The following GRM5 variants were observed in gnomAD, a reference collection of about 807,000 sequenced individuals.
GRM5 encodes metabotropic glutamate receptor 5.
Under a neutral mutation model 83.1 loss-of-function variants are expected in GRM5, and 19 were observed. That is an observed-to-expected ratio of 0.23 (90% confidence interval 0.16 to 0.34). GRM5 has a LOEUF of 0.34. Ranked by LOEUF, GRM5 falls within the 10% of genes least tolerant of loss-of-function variation. The pLI is 1.00. For synonymous variants in GRM5, 675 were observed against 633.6 expected, an observed-to-expected ratio of 1.07 and a Z score of -0.98; for missense variants, 1,160 against 1,588.3, an observed-to-expected ratio of 0.73 and a Z score of 4.58.
intron 6 of GRM5, among the ~76,000 whole-genome samples, chr11:88,596,225 C>T (rs1937801350): frequency 6.6e-6 from 1 of 152,126 alleles, no homozygotes; most frequent in African/African-American, 2.4e-5. Flanking sequence ...AATCTACAAA[C>T]GTTTTCTCCA....
chr11:88,578,536 G>A (rs531772743), intron 7 of GRM5, among the ~76,000 whole-genome samples: 2 of 152,228 alleles, frequency 1.3e-5, no homozygotes, highest in East Asian at 1.9e-4. Flanking sequence ...ATTTTTCATC[G>A]AGTGGTTTCT....
intron 9 of GRM5, among the ~76,000 whole-genome samples, chr11:88,523,145 GC>G (rs2135102563): frequency 1.3e-5 from 2 of 152,254 alleles, no homozygotes; most frequent in East Asian, 3.9e-4. Flanking sequence ...CCAAATGCTT[GC>G]CACAAACAGC....
intron 3 of GRM5, among the ~76,000 whole-genome samples, chr11:88,658,078 G>A (rs1939811012): frequency 6.6e-6 from 1 of 152,112 alleles, no homozygotes. Flanking sequence ...CTGGGTGAGT[G>A]AGCATTACCT....
chr11:88,567,527 A>G lies in GRM5; in HGVS notation c.2156T>C (p.Ile719Thr), dbSNP rs760828300. 9.3e-6 allele frequency: 15 copies of G among 1,613,302 alleles called. No homozygotes were observed. The highest frequency in any genetic ancestry group is 1.3e-5 in the Non-Finnish European group (15 of 1,179,342). Residue 719 changes from isoleucine (I) to threonine (T), a missense_variant, in exon 8 of 10, where the codon ATA becomes ACA. Ile to Thr is a moderately conservative substitution (Grantham distance 89). Transcript: ENST00000305447. This position sits in a 1 kb window ranked among gnomAD's most constrained non-coding sequence, Gnocchi z 7.3. ...TCGAATGCTTGGGTAGTCATGCATT[A>G]TGTCAGGAGGCTCCATTATAAAGAG... ...VALFIMEPPD[I>T]MHDYPSIREV... is the part of the protein sequence containing the mutation.
intron 4 of GRM5, among the ~76,000 whole-genome samples, chr11:88,610,445 GTATTCCTAGT>G (rs1444014012): frequency 1.3e-5 from 2 of 152,060 alleles, no homozygotes; most frequent in Non-Finnish European, 2.9e-5. Flanking sequence ...TTGGTAAACT[GTATTCCTAGT>G]TATTCCTTAT....
intron 2 of GRM5, among the ~76,000 whole-genome samples, chr11:88,875,009 G>A (rs1446588873): frequency 1.3e-5 from 2 of 151,404 alleles, no homozygotes; most frequent in Admixed American, 6.6e-5. Context: ...TGATCAGGGC[G>A]GTGGCTGCTG....
chr11:88,730,886 G>A (rs1002957932), intron 3 of GRM5, among the ~76,000 whole-genome samples: 2 of 152,122 alleles, frequency 1.3e-5, no homozygotes, highest in African/African-American at 4.8e-5. Flanking sequence ...GGGGCTAGGG[G>A]AGGGATAGCA....
intron 2 of GRM5, among the ~76,000 whole-genome samples, chr11:88,991,729 C>G (rs1172050610): frequency 6.6e-6 from 1 of 152,062 alleles, no homozygotes; most frequent in Non-Finnish European, 1.5e-5. Flanking sequence ...ACTATGTGAT[C>G]TTTGACAAAC....
intron 2 of GRM5, among the ~76,000 whole-genome samples, chr11:89,028,525 G>A (rs1292119674): frequency 1.3e-5 from 2 of 152,328 alleles, no homozygotes; most frequent in African/African-American, 2.4e-5. Flanking sequence ...GAGCCTGAGA[G>A]GTCGAGGCTG....
At chr11:88,777,521 T>G (rs1942882939) in intron 3 of GRM5, among the ~76,000 whole-genome samples, 1 of 152,240 alleles carries the variant, frequency 6.6e-6, no homozygotes, top group African/African-American at 2.4e-5. Flanking sequence ...GGCACTCTGA[T>G]TTTTAGAATT....
intron 8 of GRM5, among the ~76,000 whole-genome samples, chr11:88,536,008 C>T (rs988952263): frequency 6.6e-6 from 1 of 152,124 alleles, no homozygotes; most frequent in African/African-American, 2.4e-5. Context: ...AAAGCCTAAA[C>T]AATTGGTCCT....
chr11:88,755,815 G>A, intron 3 of GRM5, among the ~76,000 whole-genome samples: 1 of 152,118 alleles, frequency 6.6e-6, no homozygotes, highest in Non-Finnish European at 1.5e-5. Flanking sequence ...TTGTCAAGGT[G>A]AGAATTTTCT....
chr11:88,575,529 T>C (rs1187401527), intron 7 of GRM5, among the ~76,000 whole-genome samples: 1 of 152,250 alleles, frequency 6.6e-6, no homozygotes, highest in Non-Finnish European at 1.5e-5. Flanking sequence ...AATGTCTGCA[T>C]GGGCAAGGTG....
intron 3 of GRM5, among the ~76,000 whole-genome samples, chr11:88,694,587 C>T (rs1940858195): frequency 6.6e-6 from 1 of 150,898 alleles, no homozygotes; most frequent in Non-Finnish European, 1.5e-5. Context: ...TGCCAATGAG[C>T]TTGAAAAGTG....
rs1940667174 is a variant in GRM5, at chr11:88,687,553, C to CACATATATTATATATATATT, written c.912-34151_912-34150insAATATATATATAATATATGT. Among the ~76,000 whole-genome samples, 6 of 14,902 alleles carry CACATATATTATATATATATT rather than the reference C, an allele frequency of 4.0e-4. 1 individual carries two copies. In the Admixed American group the frequency reaches 6.0e-3, roughly 15 times the overall value. 9.8% of individuals were successfully genotyped at this position (14,902 alleles called of 152,430 possible). ...ACATATATATACACACACACACACA[C>CACATATATTATATATATATT]ATATATATTATATATATATATATAT... On this transcript the variant is annotated intron_variant, in intron 3 of 9. Transcript: ENST00000305447.
In GRM5 at chr11:88,947,389, G is replaced by T. The variant is rs370181308; in HGVS notation, c.662-97234C>A. 3.3e-5 allele frequency among the ~76,000 whole-genome samples: 5 copies of T among 152,176 alleles called. No homozygotes were observed. In the South Asian group the frequency reaches 1.0e-3, roughly 31 times the overall value. ...CTTGCCTGCCAATGCCTTCCACATA[G>T]GGATAAATGCAAAATCCTCACTAGG... is the stretch of plus-strand genomic sequence containing the variant. On this transcript the variant is annotated intron_variant, in intron 2 of 9. Coordinates refer to ENST00000305447, the MANE Select transcript of GRM5 (RefSeq NM_001143831.3).
intron 4 of GRM5, among the ~76,000 whole-genome samples, chr11:88,648,850 G>A (rs1434692022): frequency 6.6e-6 from 1 of 151,434 alleles, no homozygotes; most frequent in African/African-American, 2.4e-5. Flanking sequence ...GTGTGACATG[G>A]TAAAATGGCT....
At chr11:88,936,683 T>C (rs1415342799) in intron 2 of GRM5, among the ~76,000 whole-genome samples, 5 of 151,882 alleles carry the variant, frequency 3.3e-5, no homozygotes, top group Admixed American at 2.6e-4. Context: ...ACCTGTAATA[T>C]TTTTAAACTG....
chr11:88,955,502 A>G (rs2135684955), intron 2 of GRM5, among the ~76,000 whole-genome samples: 1 of 152,354 alleles, frequency 6.6e-6, no homozygotes, highest in South Asian at 2.1e-4. Context: ...CAAAAAATGT[A>G]CATTTCCACA....
Sources: allele counts gnomAD v4.1 joint callset (sites outside exome capture counted in the v4.1 genomes callset), GRCh38; gene constraint gnomAD v4.1.1; non-coding constraint Gnocchi (gnomAD v3.1); transcripts MANE v1.5; gene names NCBI Gene and HGNC (gene_info 2026-07-23, HGNC 2026-07-21).